The following NKAIN2 variants were observed in gnomAD, a reference collection of about 807,000 sequenced individuals.
NKAIN2 encodes the protein sodium/potassium transporting ATPase interacting 2.
NKAIN2 carries 14 observed loss-of-function variants against 32.6 expected under a neutral mutation model. The observed-to-expected ratio is 0.43, with a 90% CI of 0.28 to 0.67. The LOEUF is 0.67. Ranked by LOEUF, NKAIN2 falls within the 30% of genes least tolerant of loss-of-function variation. NKAIN2 has a pLI of 0.17. For missense variants in NKAIN2, 198 were observed against 258.3 expected (o/e 0.77, Z 1.60); for synonymous variants, 80 against 87.2 (o/e 0.92, Z 0.46).
At chr6:124,555,597 T>G (rs780057851) in intron 3 of NKAIN2, among the ~76,000 whole-genome samples, 9 of 152,208 alleles carry the variant, frequency 5.9e-5, no homozygotes, top group Non-Finnish European at 1.3e-4. Flanking sequence ...CTGTTTTGTA[T>G]ACCCAACTCT....
chr6:124,433,484 G>A (rs1358052901), intron 3 of NKAIN2, among the ~76,000 whole-genome samples: 1 of 152,144 alleles, frequency 6.6e-6, no homozygotes, highest in Admixed American at 6.6e-5. Context: ...CTGATAAACT[G>A]TCATGTGGAA....
At chr6:124,776,823 G>T (rs1472176807) in intron 4 of NKAIN2, among the ~76,000 whole-genome samples, 1 of 151,806 alleles carries the variant, frequency 6.6e-6, no homozygotes, top group Non-Finnish European at 1.5e-5. Context: ...ATTGACAATT[G>T]TTCATATATT....
intron 3 of NKAIN2, among the ~76,000 whole-genome samples, chr6:124,475,782 C>T (rs1411860789): frequency 6.6e-6 from 1 of 152,104 alleles, no homozygotes; most frequent in Non-Finnish European, 1.5e-5. Flanking sequence ...TATGACTGAA[C>T]ACACTTTAAA....
intron 1 of NKAIN2, among the ~76,000 whole-genome samples, chr6:124,080,942 G>T (rs566709373): frequency 6.6e-6 from 1 of 152,110 alleles, no homozygotes; most frequent in East Asian, 1.9e-4. Context: ...AAACTAACTC[G>T]CCTGCATAGG....
At chr6:124,757,578 T>G (rs952080440) in intron 4 of NKAIN2, among the ~76,000 whole-genome samples, 1 of 152,162 alleles carries the variant, frequency 6.6e-6, no homozygotes, top group African/African-American at 2.4e-5. Flanking sequence ...CATCTAAGTT[T>G]AGGCCAATTG....
chr6:123,947,815 A>G (rs1259291956), intron 1 of NKAIN2, among the ~76,000 whole-genome samples: 4 of 152,082 alleles, frequency 2.6e-5, no homozygotes, highest in Admixed American at 2.6e-4. Flanking sequence ...GTTGTTAACT[A>G]TAGTCACCCT....
intron 3 of NKAIN2, among the ~76,000 whole-genome samples, chr6:124,418,033 C>A (rs1396616908): frequency 2.0e-5 from 3 of 152,082 alleles, no homozygotes; most frequent in Non-Finnish European, 4.4e-5. Flanking sequence ...TATTATGACC[C>A]AGGTTTGCAT....
At chr6:123,845,008 T>A (rs1312601572) in intron 1 of NKAIN2, among the ~76,000 whole-genome samples, 3 of 152,186 alleles carry the variant, frequency 2.0e-5, no homozygotes, top group Admixed American at 2.0e-4. Flanking sequence ...AGAAATTTGT[T>A]TTAAGATGTT....
chr6:124,709,263 G>A (rs1306448137), intron 4 of NKAIN2, among the ~76,000 whole-genome samples: 3 of 148,858 alleles, frequency 2.0e-5, no homozygotes, highest in Admixed American at 6.7e-5. Context: ...GAGGATTTTT[G>A]CATCAATGTT....
chr6:124,237,382 G>A (rs540588330), intron 1 of NKAIN2, among the ~76,000 whole-genome samples: 1 of 151,840 alleles, frequency 6.6e-6, no homozygotes, highest in East Asian at 1.9e-4. Flanking sequence ...TGTTTTTTTT[G>A]AGAGAGAGAG....
intron 1 of NKAIN2, among the ~76,000 whole-genome samples, chr6:124,220,278 G>T (rs920499957): frequency 1.3e-5 from 2 of 151,924 alleles, no homozygotes; most frequent in African/African-American, 4.8e-5. Flanking sequence ...GTGCCTCCTG[G>T]TTCCCCTTCC....
At chr6:123,826,619 CT>C (rs1220857643) in intron 1 of NKAIN2, among the ~76,000 whole-genome samples, 2 of 152,050 alleles carry the variant, frequency 1.3e-5, no homozygotes, top group Non-Finnish European at 2.9e-5. Context: ...ATCATCTATC[CT>C]TTTGAGCCTG....
intron 1 of NKAIN2, among the ~76,000 whole-genome samples, chr6:124,274,675 A>G (rs1349221706): frequency 6.6e-6 from 1 of 152,158 alleles, no homozygotes; most frequent in East Asian, 1.9e-4. Flanking sequence ...CGCATGATTT[A>G]AAAGTAAGCA....
At chr6:124,409,496 T>A (rs1322061338) in intron 3 of NKAIN2, among the ~76,000 whole-genome samples, 4 of 152,186 alleles carry the variant, frequency 2.6e-5, no homozygotes, top group Non-Finnish European at 4.4e-5. Flanking sequence ...TGTATTACGT[T>A]TATTGATTTT....
At chr6:124,715,694 GC>G (rs1264727520) in intron 4 of NKAIN2, among the ~76,000 whole-genome samples, 5 of 152,140 alleles carry the variant, frequency 3.3e-5, no homozygotes. Flanking sequence ...ATAAATTCCT[GC>G]CCCCTGTCAC....
chr6:124,697,835 C>T (rs6908208), intron 4 of NKAIN2, among the ~76,000 whole-genome samples: 39,659 of 151,944 alleles, frequency 0.26, 5,662 homozygotes, highest in East Asian at 0.52. Context: ...AGTCCTGCCG[C>T]TAAAACTCCT....
intron 4 of NKAIN2, among the ~76,000 whole-genome samples, chr6:124,677,157 C>T (rs888568341): frequency 6.6e-6 from 1 of 152,046 alleles, no homozygotes; most frequent in Non-Finnish European, 1.5e-5. Context: ...TTAGTAGTGA[C>T]AAGGTTTCAC....
intron 4 of NKAIN2, among the ~76,000 whole-genome samples, chr6:124,725,876 G>C (rs184757976): frequency 2.0e-5 from 3 of 152,214 alleles, no homozygotes; most frequent in Non-Finnish European, 4.4e-5. Context: ...AAAGCAGGGC[G>C]AGGCATTGCC....
At chr6:124,020,559 A>AC (rs537735244) in intron 1 of NKAIN2, among the ~76,000 whole-genome samples, 255 of 152,262 alleles carry the variant, frequency 1.7e-3, no homozygotes, top group African/African-American at 5.7e-3. Flanking sequence ...AAAAAAGAAA[A>AC]CCAATAAAAA....
Sources: gnomAD v4.1 joint callset for allele counts (sites outside exome capture counted in the v4.1 genomes callset) on GRCh38, gnomAD v4.1.1 for gene constraint, MANE v1.5 for transcripts, NCBI Gene and HGNC (gene_info 2026-07-23, HGNC 2026-07-21) for gene names.